The following CCNB3 variants were observed in gnomAD, a reference collection of about 807,000 sequenced individuals.
CCNB3 encodes G2/mitotic-specific cyclin-B3.
In CCNB3, 12 loss-of-function variants were observed where a neutral mutation model predicts 68.0. The observed-to-expected ratio is 0.18, with a 90% CI of 0.11 to 0.29. CCNB3 has a LOEUF of 0.29. CCNB3 is among the 10% of genes least tolerant of loss of function. The pLI, the probability that CCNB3 is intolerant of heterozygous loss-of-function variation, is 1.00. For missense variants in CCNB3, 904 were observed against 993.1 expected, an observed-to-expected ratio of 0.91 and a Z score of 1.21; for synonymous variants, 354 against 388.9, an observed-to-expected ratio of 0.91 and a Z score of 1.06.
chrX:50,284,266 G>T (rs1310830146), intron 1 of CCNB3, among the ~76,000 whole-genome samples: 6 of 110,993 alleles, frequency 5.4e-5, no homozygotes, highest in Non-Finnish European at 1.9e-5. Flanking sequence ...CTGCATAATT[G>T]GTAAAGTATA....
In CCNB3 at chrX:50,347,492, C is replaced by T. The variant is rs73497511; in HGVS notation, c.3811-134C>T. 4,352 of 534,940 alleles carry T rather than the reference C, an allele frequency of 8.1e-3. 132 individuals carry two copies. The African/African-American group carries it at 0.092, about 11-fold the overall frequency. 44.1% of individuals were successfully genotyped at this position (534,940 alleles called of 1,213,427 possible). On this transcript the variant is annotated intron_variant, in intron 10 of 12. Coordinates refer to ENST00000376042, the MANE Select transcript of CCNB3 (RefSeq NM_033031.3). ...TGGGTAGGGAAGATGAAGTGAGTTA[C>T]GGTTGCAGGAGAAAGGCACATTACT...
intron 3 of CCNB3, among the ~76,000 whole-genome samples, chrX:50,286,899 C>T (rs1236344215): frequency 1.8e-5 from 2 of 112,465 alleles, no homozygotes; most frequent in African/African-American, 6.5e-5. Flanking sequence ...CCATCCGCCT[C>T]AGCCTCCCAA....
Position 50,312,649 on chromosome X carries a change from G to C in CCNB3, c.3423+17G>C. 1 of 1,085,874 alleles carries C rather than the reference G, an allele frequency of 9.2e-7. No homozygotes were observed. The highest frequency in any genetic ancestry group is 1.3e-6 in the Non-Finnish European group (1 of 788,608). The allele number at this position is 1,085,874 out of a possible 1,213,427, so 89.5% of individuals were successfully genotyped here. On this transcript the variant is annotated intron_variant, in intron 7 of 12. Coordinates refer to ENST00000376042, the MANE Select transcript of CCNB3 (RefSeq NM_033031.3). ...GAGAGAGAGGTATTTAGGTTGCTTGGGTTGGGCAATGATTTCTAGTTTTCA... is the reference window on the plus strand; with the variant it reads ...GAGAGAGAGGTATTTAGGTTGCTTGCGTTGGGCAATGATTTCTAGTTTTCA...
chrX:50,350,991 G>A (rs1284674989), intron 11 of CCNB3, among the ~76,000 whole-genome samples: 1 of 111,677 alleles, frequency 9.0e-6, no homozygotes, highest in Admixed American at 9.5e-5. Context: ...TCCCTACCAC[G>A]CCTGGCCAAG....
chrX:50,213,738 G>A (rs1236694445), intron 1 of CCNB3, among the ~76,000 whole-genome samples: 1 of 111,400 alleles, frequency 9.0e-6, no homozygotes, highest in Non-Finnish European at 1.9e-5. Context: ...TTATAGCAGT[G>A]TGCTTTCGAA....
chrX:50,205,511 A>G (rs1935341581), intron 1 of CCNB3, among the ~76,000 whole-genome samples: 1 of 111,221 alleles, frequency 9.0e-6, no homozygotes. Context: ...CAGATAGTGT[A>G]TCAGTGAATG....
At chrX:50,211,502 C>A (rs1382917016) in intron 1 of CCNB3, among the ~76,000 whole-genome samples, 4 of 110,876 alleles carry the variant, frequency 3.6e-5, no homozygotes, top group African/African-American at 1.3e-4. Flanking sequence ...AAACCTCGGT[C>A]TCTACCAAAC....
rs1198350365 is a variant in CCNB3 at position 50,323,221 on chromosome X, AT to A, written c.3516+9274del. On this transcript the variant is annotated intron_variant, in intron 8 of 12. Coordinates refer to ENST00000376042, the MANE Select transcript of CCNB3 (RefSeq NM_033031.3). ...TAAGAAAATGTGGCACATATACACC[AT>A]GGAATACTATGCAGCCATAAAAAAT... 4.6e-4 allele frequency among the ~76,000 whole-genome samples: 51 copies of A among 111,467 alleles called. 1 individual carries two copies. Among genetic ancestry groups the A allele is most frequent in the Admixed American group, 9.5e-5 (1 of 10,532 alleles).
intron 5 of CCNB3, among the ~76,000 whole-genome samples, chrX:50,303,903 G>T (rs1449747730): frequency 9.0e-6 from 1 of 111,344 alleles, no homozygotes; most frequent in Admixed American, 9.6e-5. Flanking sequence ...AGAAACCACT[G>T]CCAAATCCCA....
chrX:50,302,165 C>T (rs1345933314), intron 5 of CCNB3, among the ~76,000 whole-genome samples: 1 of 112,280 alleles, frequency 8.9e-6, no homozygotes, highest in African/African-American at 3.2e-5. Context: ...TGGCACTCCC[C>T]AGTGAGGTGA....
intron 1 of CCNB3, among the ~76,000 whole-genome samples, chrX:50,212,356 C>T (rs1476454155): frequency 5.2e-4 from 58 of 111,836 alleles, no homozygotes; most frequent in African/African-American, 1.8e-3. Flanking sequence ...AGGCCAAGGA[C>T]GTTGAATCCT....
At chrX:50,331,654 G>A (rs185050711) in intron 8 of CCNB3, among the ~76,000 whole-genome samples, 3 of 111,819 alleles carry the variant, frequency 2.7e-5, no homozygotes, top group African/African-American at 9.8e-5. Context: ...GTGACATTGA[G>A]AGACTGGGCT....
intron 1 of CCNB3, among the ~76,000 whole-genome samples, chrX:50,213,001 C>T (rs1185645836): frequency 8.9e-6 from 1 of 111,957 alleles, no homozygotes; most frequent in East Asian, 2.8e-4. Flanking sequence ...AAAGTGAGCT[C>T]ATCTTATCAA....
intron 8 of CCNB3, among the ~76,000 whole-genome samples, chrX:50,332,628 C>T (rs1372197196): frequency 3.6e-5 from 4 of 111,172 alleles, no homozygotes; most frequent in Admixed American, 2.9e-4. Context: ...GGCTTGGTTT[C>T]GCCTCCCAGA....
Position 50,298,946 on chromosome X carries a change from G to T in CCNB3, c.335+3953G>T, listed in dbSNP as rs782437075. Among the ~76,000 whole-genome samples the T allele has an allele frequency of 4.8e-4, 54 of 111,847 alleles. No individual in the cohort carries two copies. In the South Asian group the frequency reaches 0.02, roughly 40 times the overall value. Reference sequence around the variant, plus strand: ...GAGGTGTTTATAGTATTCTCTGATGGTAGTTTGTATTTCTGTGGGATCGGT... The same window carrying T: ...GAGGTGTTTATAGTATTCTCTGATGTTAGTTTGTATTTCTGTGGGATCGGT... On this transcript the variant is annotated intron_variant, in intron 5 of 12. Coordinates refer to ENST00000376042, the MANE Select transcript of CCNB3 (RefSeq NM_033031.3).
At chrX:50,280,469 G>A (rs1469259323) in intron 1 of CCNB3, among the ~76,000 whole-genome samples, 2 of 108,714 alleles carry the variant, frequency 1.8e-5, no homozygotes, top group Non-Finnish European at 3.8e-5. Flanking sequence ...AATAATACAA[G>A]GATCTTGTTT....
intron 1 of CCNB3, among the ~76,000 whole-genome samples, chrX:50,279,779 C>A (rs1161800376): frequency 3.4e-4 from 29 of 84,180 alleles, no homozygotes; most frequent in African/African-American, 1.3e-3. Flanking sequence ...TATGTATATT[C>A]ATATATGTAA....
At chrX:50,211,385 C>T (rs1418461489) in intron 1 of CCNB3, among the ~76,000 whole-genome samples, 3 of 111,809 alleles carry the variant, frequency 2.7e-5, no homozygotes, top group South Asian at 3.8e-4. Flanking sequence ...ACATTACAGC[C>T]GGGTGCGGTG....
rs1244802595 is a variant in CCNB3 at position 50,217,535 on chromosome X, G to A, written c.-113+12585G>A. ...GATCTGCCCACCTTGGCCTCCCAAA[G>A]TGCTGGGATTACAGGCATGAGCCAC... On this transcript the variant is annotated intron_variant, in intron 1 of 12. Coordinates refer to ENST00000376042, the MANE Select transcript of CCNB3 (RefSeq NM_033031.3). Among the ~76,000 whole-genome samples, 20 of 110,872 alleles carry A rather than the reference G, an allele frequency of 1.8e-4. No homozygotes were observed. The Admixed American group carries it at 1.8e-3, about 10-fold the overall frequency.
Sources: gnomAD v4.1 joint callset for allele counts (sites outside exome capture counted in the v4.1 genomes callset) on GRCh38, gnomAD v4.1.1 for gene constraint, MANE v1.5 for transcripts, NCBI Gene and HGNC (gene_info 2026-07-23, HGNC 2026-07-21) for gene names.